Variants in SCAPER observed in about 807,000 individuals in gnomAD.
SCAPER encodes the protein S phase cyclin A-associated protein in the endoplasmic reticulum.
SCAPER carries 98 observed loss-of-function variants against 182.2 expected under a neutral mutation model. That is an observed-to-expected ratio of 0.54 (90% CI 0.46 to 0.64). The LOEUF (loss-of-function observed/expected upper bound fraction) is 0.64. SCAPER is among the 30% of genes least tolerant of loss of function. SCAPER has a pLI of 0.00. For missense variants in SCAPER, 1,432 were observed against 1,690.0 expected (o/e 0.85, Z 2.68); for synonymous variants, 605 against 564.6 (o/e 1.07, Z -1.01).
At chr15:76,758,488 T>C (rs1004649433) in intron 14 of SCAPER, among the ~76,000 whole-genome samples, 3 of 152,146 alleles carry the variant, frequency 2.0e-5, no homozygotes, top group African/African-American at 7.2e-5. Flanking sequence ...ATTACTATAC[T>C]TTTATAATAA....
rs565090128 is a variant in SCAPER, at chr15:76,904,579, C to T, written c.-60+720G>A. The T allele has an allele frequency of 2.6e-5, 4 of 152,350 alleles. No homozygotes were observed. In the East Asian group the frequency reaches 5.8e-4, roughly 22 times the overall value. The allele number at this position is 152,350 out of a possible 1,614,324, so 9.4% of individuals were successfully genotyped here. On this transcript the variant is annotated intron_variant, in intron 1 of 31. Coordinates refer to ENST00000563290, the MANE Select transcript of SCAPER (RefSeq NM_020843.4). ...AGTTTTGTGCCTGCTTTCTAACAAT[C>T]CCGTTCCTCCCTGGTGCCGTTCCCA... is the stretch of plus-strand genomic sequence containing the variant.
At position 76,776,024 on chromosome 15, in the gene SCAPER, A is replaced by G. The variant is rs528263165; in HGVS notation, c.773-907T>C. On this transcript the variant is annotated intron_variant, in intron 8 of 31. Coordinates refer to ENST00000563290, the MANE Select transcript of SCAPER (RefSeq NM_020843.4). Reference sequence around the variant, plus strand: ...ACCATTCCTTCATTTCGGGCCCTCCATCTTACAATTAAAAACCCTAGATAA... The same window carrying G: ...ACCATTCCTTCATTTCGGGCCCTCCGTCTTACAATTAAAAACCCTAGATAA... Among the ~76,000 whole-genome samples the G allele has an allele frequency of 9.9e-5, 15 of 152,184 alleles. No individual in the cohort carries two copies. The East Asian group carries it at 2.9e-3, about 29-fold the overall frequency.
At chr15:76,764,870 G>T in intron 14 of SCAPER, 91 bp downstream of exon 14, 2 of 661,912 alleles carry the variant, frequency 3.0e-6, no homozygotes, top group East Asian at 2.9e-5. Context: ...TATTTTTATG[G>T]TTATTTTAGC....
intron 21 of SCAPER, among the ~76,000 whole-genome samples, chr15:76,626,606 A>C (rs991574431): frequency 1.3e-5 from 2 of 152,198 alleles, no homozygotes; most frequent in Non-Finnish European, 2.9e-5. Flanking sequence ...AATCCCAGCT[A>C]ATTAGGTGGC....
At chr15:76,844,880 C>G (rs1326593617) in intron 4 of SCAPER, among the ~76,000 whole-genome samples, 2 of 152,066 alleles carry the variant, frequency 1.3e-5, no homozygotes, top group African/African-American at 4.8e-5. Flanking sequence ...CAGTATTATT[C>G]TGATACCAAA....
intron 25 of SCAPER, among the ~76,000 whole-genome samples, chr15:76,445,095 C>T (rs1438304615): frequency 6.6e-6 from 1 of 152,200 alleles, no homozygotes; most frequent in East Asian, 1.9e-4. Context: ...ATAGTGTACA[C>T]TGTACCCATT....
At chr15:76,370,219 T>A (rs2042053909) in intron 29 of SCAPER, among the ~76,000 whole-genome samples, 1 of 151,626 alleles carries the variant, frequency 6.6e-6, no homozygotes, top group South Asian at 2.1e-4. Context: ...GGGGAGGTCA[T>A]CTAGTATAAT....
intron 21 of SCAPER, among the ~76,000 whole-genome samples, chr15:76,625,452 G>A (rs375287536): frequency 6.6e-5 from 10 of 152,282 alleles, no homozygotes; most frequent in African/African-American, 1.4e-4. Flanking sequence ...TGGCCTCACC[G>A]CTAGGGGCAG....
At chr15:76,365,740 C>T (rs1596311671) in intron 29 of SCAPER, among the ~76,000 whole-genome samples, 1 of 152,090 alleles carries the variant, frequency 6.6e-6, no homozygotes, top group South Asian at 2.1e-4. Context: ...CACAGAAAGC[C>T]CTGGATAATA....
At chr15:76,421,586 A>C (rs2046046329) in intron 26 of SCAPER, among the ~76,000 whole-genome samples, 1 of 152,102 alleles carries the variant, frequency 6.6e-6, no homozygotes, top group Non-Finnish European at 1.5e-5. Flanking sequence ...GTTTACTCTG[A>C]TGGTAGTTTC....
chr15:76,364,898 G>C (rs963542045), intron 29 of SCAPER, among the ~76,000 whole-genome samples: 3 of 152,016 alleles, frequency 2.0e-5, no homozygotes, highest in African/African-American at 7.2e-5. Flanking sequence ...CTTAGCTCTT[G>C]TTTCTCCTAC....
intron 23 of SCAPER, chr15:76,567,330 T>A (rs1248084973): frequency 2.2e-6 from 1 of 454,760 alleles, no homozygotes; most frequent in Non-Finnish European, 4.4e-6. Context: ...GTGGTGATTA[T>A]AAACAATGCT....
chr15:76,895,318 C>A (rs1435885547), intron 1 of SCAPER, among the ~76,000 whole-genome samples: 1 of 152,072 alleles, frequency 6.6e-6, no homozygotes, highest in African/African-American at 2.4e-5. Flanking sequence ...AAGCATCTGA[C>A]AAAATTCAAC....
At chr15:76,657,937 T>C (rs780337493) in intron 21 of SCAPER, among the ~76,000 whole-genome samples, 1 of 152,162 alleles carries the variant, frequency 6.6e-6, no homozygotes, top group Non-Finnish European at 1.5e-5. Flanking sequence ...GAACTGTATA[T>C]GTCAAACACA....
chr15:76,864,268 T>C lies in SCAPER; in HGVS notation c.7-1735A>G, dbSNP rs537192212. On this transcript the variant is annotated intron_variant, in intron 2 of 31. Transcript: ENST00000563290. ...TTGTCTGAAACTTCTTTCTCCAACA[T>C]AAGATCCCCAGTTTTCATTATCTAC... is the stretch of plus-strand genomic sequence containing the variant. Among the ~76,000 whole-genome samples, 14 of 152,320 alleles carry C rather than the reference T, an allele frequency of 9.2e-5. No homozygotes were observed. The South Asian group carries it at 2.5e-3, about 27-fold the overall frequency.
chr15:76,423,695 C>A (rs1191797408), intron 26 of SCAPER, among the ~76,000 whole-genome samples: 6 of 152,166 alleles, frequency 3.9e-5, no homozygotes, highest in Non-Finnish European at 1.5e-5. Flanking sequence ...TTCTCTAGTT[C>A]TTTTAATTGT....
chr15:76,735,616 C>A (rs1326155305), intron 15 of SCAPER, among the ~76,000 whole-genome samples: 2 of 148,882 alleles, frequency 1.3e-5, no homozygotes, highest in East Asian at 2.0e-4. Flanking sequence ...GCAGGAGAAT[C>A]GCTTGAACAT....
intron 25 of SCAPER, among the ~76,000 whole-genome samples, chr15:76,455,224 G>A (rs1193477806): frequency 2.0e-5 from 3 of 152,072 alleles, no homozygotes; most frequent in Admixed American, 6.6e-5. Context: ...CTTTACTGGC[G>A]TATAGTTGAC....
chr15:76,701,993 T>C lies in SCAPER; in HGVS notation c.2401-128A>G, dbSNP rs3816267. The C allele has an allele frequency of 7.3e-5, 40 of 549,946 alleles. No homozygotes were observed. In the East Asian group the frequency reaches 9.9e-4, roughly 14 times the overall value. 34.1% of individuals were successfully genotyped at this position (549,946 alleles called of 1,614,324 possible). On this transcript the variant is annotated intron_variant, in intron 19 of 31. Coordinates refer to ENST00000563290, the MANE Select transcript of SCAPER (RefSeq NM_020843.4). ...AGTATTTACATATTAGTCTTAAAAA[T>C]AGTTTCCTCAGAACATAATTCTGAG...
Sources: allele counts gnomAD v4.1 joint callset (sites outside exome capture counted in the v4.1 genomes callset), GRCh38; gene constraint gnomAD v4.1.1; transcripts MANE v1.5; gene names NCBI Gene and HGNC (gene_info 2026-07-23, HGNC 2026-07-21).